Variants in ARMC1 observed in about 807,000 individuals in gnomAD.
The protein encoded by ARMC1 is armadillo repeat containing 1.
A neutral mutation model predicts 31.4 loss-of-function variants in ARMC1; 16 were observed. That is an observed-to-expected ratio of 0.51 (90% CI 0.34 to 0.77). ARMC1 has a LOEUF of 0.77. ARMC1 is among the 30% of genes least tolerant of loss of function. The probability of loss-of-function intolerance (pLI) is 0.01; values close to 1 mark genes in which losing one functional copy is unlikely to be tolerated. For missense variants in ARMC1, 259 were observed against 347.5 expected (o/e 0.75, Z 2.02); for synonymous variants, 114 against 118.9 (o/e 0.96, Z 0.27).
At position 65,605,441 on chromosome 8, in the gene ARMC1, C is replaced by A. The variant is rs901933645; in HGVS notation, c.563G>T (p.Arg188Leu). ...ACTTACCTCAGCTTTCAAATCTGAA[C>A]GGATTCGCACCACACACCTTTGAAC... ...MAVQRCVVRI[R>L]SDLKAEALAS... is the part of the protein sequence containing the mutation. Residue 188 changes from arginine to leucine, a missense_variant, in exon 5 of 7, where the codon CGT (arginine) becomes CTT (leucine). Arg to Leu is a moderately radical substitution (Grantham distance 102, BLOSUM62 -2). This residue lies in a region of ARMC1 where 23 missense variants were observed against 60.8 expected (regional missense o/e 0.38). Transcript: ENST00000276569. 1 of 1,613,830 alleles carries A rather than the reference C, an allele frequency of 6.2e-7. No individual in the cohort carries two copies. Among genetic ancestry groups the A allele is most frequent in the Non-Finnish European group, 8.5e-7 (1 of 1,179,866 alleles).
chr8:65,625,770 GA>G (rs1385051394), intron 2 of ARMC1, among the ~76,000 whole-genome samples: 1 of 152,078 alleles, frequency 6.6e-6, no homozygotes, highest in Non-Finnish European at 1.5e-5. Flanking sequence ...TTTCCAAAAG[GA>G]AAAGTCTATA....
chr8:65,624,782 T>C (rs1007585521), intron 2 of ARMC1, among the ~76,000 whole-genome samples: 1 of 143,818 alleles, frequency 7.0e-6, no homozygotes, highest in African/African-American at 2.8e-5. Context: ...AACAAAAGTG[T>C]ATACTAATAA....
At chr8:65,633,144 G>A (rs948912870) in intron 1 of ARMC1, 1 of 152,250 alleles carries the variant, frequency 6.6e-6, no homozygotes, top group African/African-American at 2.4e-5. Flanking sequence ...TAATTAGGCA[G>A]ATGCCTGCAA....
Position 65,603,366 on chromosome 8 carries a change from T to C in ARMC1, c.*1028A>G, listed in dbSNP as rs1378182525. 6.6e-6 allele frequency: 1 copy of C among 152,176 alleles called. No individual in the cohort carries two copies. Among genetic ancestry groups the C allele is most frequent in the Non-Finnish European group, 1.5e-5 (1 of 68,018 alleles). 9.4% of individuals were successfully genotyped at this position (152,176 alleles called of 1,614,324 possible). A position where few individuals can be genotyped will look rare whatever the true frequency, so the allele number is the denominator to read the frequency against. On this transcript the variant is annotated 3_prime_UTR_variant, in exon 7 of 7. Transcript: ENST00000276569. ...TTTTCATTCAACACAACGCAGCATT[T>C]TCATAATAAATTCACAAAAGACAAT...
At chr8:65,605,621 G>C in intron 4 of ARMC1, 83 bp from the exon 5 acceptor site, 4 of 948,410 alleles carry the variant, frequency 4.2e-6, no homozygotes, top group East Asian at 2.5e-5. Context: ...ATTTTGGAGG[G>C]GGGAAGAGAG....
At chr8:65,615,819 C>T (rs916015753) in intron 3 of ARMC1, among the ~76,000 whole-genome samples, 2 of 152,016 alleles carry the variant, frequency 1.3e-5, no homozygotes, top group Non-Finnish European at 2.9e-5. Flanking sequence ...CACTTGAACC[C>T]AGGAGGCGGA....
intron 3 of ARMC1, among the ~76,000 whole-genome samples, chr8:65,614,451 T>C (rs1808208693): frequency 6.6e-6 from 1 of 152,248 alleles, no homozygotes; most frequent in South Asian, 2.1e-4. Context: ...TTAATTTAAA[T>C]TGCCAAACAG....
At chr8:65,613,213 T>G in intron 4 of ARMC1, 31 bp downstream of exon 4, 1 of 1,519,436 alleles carries the variant, frequency 6.6e-7, no homozygotes, top group Non-Finnish European at 8.9e-7. Flanking sequence ...TCAGTAAACA[T>G]GATTTCTCTT....
intron 3 of ARMC1, among the ~76,000 whole-genome samples, chr8:65,620,798 T>TAAAAAAAAAAAAAAAAAAA (rs776508929): frequency 2.2e-5 from 1 of 46,482 alleles, no homozygotes; most frequent in Non-Finnish European, 3.9e-5. Flanking sequence ...TTAGTTCCAT[T>TAAAAAAAAAAAAAAAAAAA]TAAAAAAAAA....
chr8:65,608,595 G>A (rs1808054783), intron 4 of ARMC1, among the ~76,000 whole-genome samples: 1 of 152,124 alleles, frequency 6.6e-6, no homozygotes, highest in Admixed American at 6.6e-5. Flanking sequence ...AAGTTACATA[G>A]GTAGAGTAAA....
intron 1 of ARMC1, among the ~76,000 whole-genome samples, chr8:65,628,124 T>G (rs770787102): frequency 4.6e-5 from 7 of 152,214 alleles, no homozygotes; most frequent in African/African-American, 9.6e-5. Flanking sequence ...GAGCTAGTCA[T>G]AGAGAGGTTC....
intron 3 of ARMC1, among the ~76,000 whole-genome samples, chr8:65,616,384 C>T (rs1470803463): frequency 6.6e-6 from 1 of 152,258 alleles, no homozygotes; most frequent in African/African-American, 2.4e-5. Flanking sequence ...ATCTGCCAGC[C>T]TCGGCCTCCC....
chr8:65,615,400 TAAA>T lies in ARMC1; in HGVS notation c.276-1970_276-1968del, dbSNP rs10612716. 6.2e-3 allele frequency among the ~76,000 whole-genome samples: 869 copies of T among 139,994 alleles called. 2 individuals carry two copies. Among genetic ancestry groups the T allele is most frequent in the African/African-American group, 0.011 (419 of 38,070 alleles). The allele number at this position is 139,994 out of a possible 152,430, so 91.8% of individuals were successfully genotyped here. A position where few individuals can be genotyped will look rare whatever the true frequency, so the allele number is the denominator to read the frequency against. On this transcript the variant is annotated intron_variant, in intron 3 of 6. Transcript: ENST00000276569. ...ATTAGAGAAACTTACGAACTTAAGT[TAAA>T]AAAAAAAAAAAAAAAACAGGGCCGG...
chr8:65,608,008 T>C (rs1197250785), intron 4 of ARMC1, among the ~76,000 whole-genome samples: 2 of 152,182 alleles, frequency 1.3e-5, no homozygotes, highest in African/African-American at 4.8e-5. Context: ...TTTTAAGAAG[T>C]AACTGATTTC....
At chr8:65,624,498 C>CAAAAAAAAAAAAAAAAAA (rs538324950) in intron 2 of ARMC1, among the ~76,000 whole-genome samples, 37 of 95,294 alleles carry the variant, frequency 3.9e-4, no homozygotes, top group African/African-American at 1.2e-3. Context: ...GACTCCATCT[C>CAAAAAAAAAAAAAAAAAA]AAAAAAAAAA....
Position 65,627,244 on chromosome 8 carries a change from T to G in ARMC1, c.155A>C (p.Asn52Thr). Reference protein sequence around the residue: ...PGLILFMDHPNPPVVHSALLA... With the variant: ...PGLILFMDHPTPPVVHSALLA... ...CAAAGCGGAGTGGACGACTGGAGGG[T>G]TGGGATGGTCCATAAATAAAATAAG... The change falls in exon 2 of 7, where the codon AAC becomes ACC. Residue 52 changes from asparagine to threonine, a missense_variant. Asn to Thr is a moderately conservative substitution (Grantham distance 65, BLOSUM62 0). Coordinates refer to ENST00000276569, the MANE Select transcript of ARMC1 (RefSeq NM_018120.6). 6.2e-7 allele frequency: 1 copy of G among 1,601,086 alleles called. No individual in the cohort carries two copies. The highest frequency in any genetic ancestry group is 8.5e-7 in the Non-Finnish European group (1 of 1,172,594).
chr8:65,615,719 T>C (rs1478505644), intron 3 of ARMC1, among the ~76,000 whole-genome samples: 2 of 150,342 alleles, frequency 1.3e-5, no homozygotes, highest in African/African-American at 4.9e-5. Flanking sequence ...AAAGAAAAAA[T>C]GAATAAATAA....
chr8:65,605,167 C>T (rs1193012379), intron 6 of ARMC1, 96 bp downstream of exon 6: 1 of 991,352 alleles, frequency 1.0e-6, no homozygotes, highest in Non-Finnish European at 1.5e-6. Flanking sequence ...TCCTTACATA[C>T]TTGGCACTAT....
chr8:65,605,572 G>A (rs1279816257), intron 4 of ARMC1, 34 bp from the exon 5 acceptor site: 2 of 1,446,364 alleles, frequency 1.4e-6, no homozygotes, highest in Admixed American at 1.7e-5. Flanking sequence ...TATGAAAATA[G>A]GTAAATAAAA....
Sources: allele counts gnomAD v4.1 joint callset (sites outside exome capture counted in the v4.1 genomes callset), GRCh38; gene constraint gnomAD v4.1.1; regional missense constraint gnomAD v4.1.1; transcripts MANE v1.5; gene names NCBI Gene and HGNC (gene_info 2026-07-23, HGNC 2026-07-21).